SUMF1: variants seen among roughly 807,000 people sequenced by gnomAD.
SUMF1 encodes the protein sulfatase modifying factor 1.
In SUMF1, 48 loss-of-function variants were observed where a neutral mutation model predicts 47.6. The ratio of observed to expected loss-of-function variants is 1.01; its 90% confidence interval spans 0.80 to 1.28. SUMF1 has a LOEUF of 1.28. Among genes scored for constraint, SUMF1 ranks in the 50% most tolerant of loss-of-function variants. SUMF1 has a pLI of 0.00. For missense variants in SUMF1, 571 were observed against 485.4 expected (o/e 1.18, Z -1.66); for synonymous variants, 230 against 192.1 (o/e 1.20, Z -1.63).
intron 8 of SUMF1, chr3:4,303,504 G>A (rs1317815498): frequency 4.1e-6 from 6 of 1,449,698 alleles, no homozygotes; most frequent in African/African-American, 1.5e-5. Flanking sequence ...TGGCCCCCGG[G>A]GGCCGCGCCG....
intron 8 of SUMF1, among the ~76,000 whole-genome samples, chr3:4,323,755 A>G (rs1037168518): frequency 3.3e-5 from 5 of 152,140 alleles, no homozygotes; most frequent in Admixed American, 3.3e-4. Context: ...AACAAAACAT[A>G]ACTGTGCCTA....
At chr3:4,254,055 G>A (rs367789742) in intron 8 of SUMF1, among the ~76,000 whole-genome samples, 2 of 151,270 alleles carry the variant, frequency 1.3e-5, no homozygotes, top group African/African-American at 4.9e-5. Flanking sequence ...TGAGGGTCCT[G>A]TCTGTTAGAA....
chr3:4,087,137 C>T (rs1046454206), intron 8 of SUMF1, among the ~76,000 whole-genome samples: 12 of 152,196 alleles, frequency 7.9e-5, no homozygotes, highest in Admixed American at 3.3e-4. Context: ...AACTTTGGAG[C>T]GAATGGCTGA....
chr3:4,159,750 T>A (rs1159503385), intron 8 of SUMF1, among the ~76,000 whole-genome samples: 1 of 152,168 alleles, frequency 6.6e-6, no homozygotes, highest in Non-Finnish European at 1.5e-5. Context: ...CTGGTGTTGA[T>A]GAAATCCCTC....
At chr3:4,260,024 TAAAA>T (rs11342745) in intron 8 of SUMF1, among the ~76,000 whole-genome samples, 3 of 141,004 alleles carry the variant, frequency 2.1e-5, no homozygotes, top group East Asian at 4.4e-4. Context: ...AGAAAAAGGA[TAAAA>T]AAAAAAAAAG....
At chr3:4,454,207 C>G (rs2125137327) in intron 1 of SUMF1, among the ~76,000 whole-genome samples, 1 of 152,306 alleles carries the variant, frequency 6.6e-6, no homozygotes, top group Non-Finnish European at 1.5e-5. Context: ...TATCTACCTT[C>G]CCACATGAAC....
intron 6 of SUMF1, chr3:4,414,638 C>G (rs1003751873): frequency 1.3e-5 from 2 of 152,258 alleles, no homozygotes; most frequent in African/African-American, 4.8e-5. Context: ...ATGTTCTAAT[C>G]TGTTTTAGTA....
intron 8 of SUMF1, among the ~76,000 whole-genome samples, chr3:4,268,604 T>C (rs1414930939): frequency 6.6e-6 from 1 of 151,348 alleles, no homozygotes; most frequent in African/African-American, 2.4e-5. Flanking sequence ...AGAAACATAC[T>C]TCTATTACTT....
chr3:4,234,673 C>A (rs1198960957), intron 8 of SUMF1, among the ~76,000 whole-genome samples: 1 of 152,030 alleles, frequency 6.6e-6, no homozygotes, highest in African/African-American at 2.4e-5. Context: ...GTTCCTATTC[C>A]AGACTTTAGT....
chr3:4,291,923 C>T lies in SUMF1; in HGVS notation c.1014+84407G>A, dbSNP rs151168378. Among the ~76,000 whole-genome samples the T allele has an allele frequency of 2.5e-3, 384 of 152,258 alleles. 3 individuals are homozygous for T. The highest frequency in any genetic ancestry group is 9.0e-3 in the African/African-American group (374 of 41,546). On this transcript the variant is annotated intron_variant and NMD_transcript_variant, in intron 8 of 12. Coordinates refer to the SUMF1 transcript ENST00000448413. ...TTCTGTGAGCTTCTCTTCCTCTCAC[C>T]TCACTTCAGCTACCTCATCCCAATG...
intron 8 of SUMF1, among the ~76,000 whole-genome samples, chr3:4,105,723 C>G (rs528285425): frequency 6.6e-6 from 1 of 151,976 alleles, no homozygotes; most frequent in African/African-American, 2.4e-5. Context: ...TAAGACAAGA[C>G]GATAAAATTA....
intron 8 of SUMF1, among the ~76,000 whole-genome samples, chr3:4,277,395 A>G (rs1400656919): frequency 1.3e-5 from 2 of 152,156 alleles, no homozygotes; most frequent in African/African-American, 4.8e-5. Flanking sequence ...AAAACCACTT[A>G]CAACTATTTG....
chr3:4,373,553 C>A (rs1700232556), intron 8 of SUMF1, among the ~76,000 whole-genome samples: 2 of 151,992 alleles, frequency 1.3e-5, no homozygotes, highest in African/African-American at 4.8e-5. Context: ...AGAAATTCGA[C>A]CCTGTCTCTA....
At chr3:4,116,149 C>G (rs1409336390) in intron 8 of SUMF1, among the ~76,000 whole-genome samples, 1 of 152,064 alleles carries the variant, frequency 6.6e-6, no homozygotes, top group Admixed American at 6.5e-5. Flanking sequence ...ATATGAGGAT[C>G]CTGAGACACA....
At chr3:4,126,082 T>C (rs1470355) in intron 8 of SUMF1, among the ~76,000 whole-genome samples, 6,672 of 129,340 alleles carry the variant, frequency 0.052, 432 homozygotes, top group East Asian at 0.18. Flanking sequence ...CTGATCATTC[T>C]CCTTTCAAAT....
chr3:4,212,148 G>T (rs1695813263), intron 8 of SUMF1, among the ~76,000 whole-genome samples: 1 of 152,222 alleles, frequency 6.6e-6, no homozygotes, highest in South Asian at 2.1e-4. Flanking sequence ...ACACCTCCCA[G>T]TAGGGGCCGA....
chr3:4,229,471 A>G (rs1288354787), intron 8 of SUMF1: 1 of 230,668 alleles, frequency 4.3e-6, no homozygotes, highest in African/African-American at 2.4e-5. Flanking sequence ...GAGAAAAACT[A>G]TTGCACCTCT....
In SUMF1 at chr3:4,110,425, G is replaced by T. The variant is rs186162807; in HGVS notation, c.1015-41680C>A. Among the ~76,000 whole-genome samples the T allele has an allele frequency of 5.9e-3, 894 of 152,210 alleles. 4 individuals carry two copies. Among genetic ancestry groups the T allele is most frequent in the Non-Finnish European group, 8.7e-3 (594 of 68,020 alleles). ...GTAAACTAGTTCAACCATTGTGGAA[G>T]ACAGTGCGGCAATTCCTCAGGGATC... On this transcript the variant is annotated intron_variant and NMD_transcript_variant, in intron 8 of 12. Coordinates refer to the SUMF1 transcript ENST00000448413.
At chr3:4,408,147 A>C (rs1701431626) in intron 7 of SUMF1, among the ~76,000 whole-genome samples, 1 of 152,248 alleles carries the variant, frequency 6.6e-6, no homozygotes, top group South Asian at 2.1e-4. Flanking sequence ...ACAAGACATG[A>C]CTGAAAGCCA....
Sources: gnomAD v4.1 joint callset for allele counts (sites outside exome capture counted in the v4.1 genomes callset) on GRCh38, gnomAD v4.1.1 for gene constraint, MANE v1.5 for transcripts, NCBI Gene and HGNC (gene_info 2026-07-23, HGNC 2026-07-21) for gene names.